Variants in FSTL4 observed in about 807,000 individuals in gnomAD.
The protein encoded by FSTL4 is follistatin-related protein 4.
A neutral mutation model predicts 78.2 loss-of-function variants in FSTL4; 28 were observed. That is an observed-to-expected ratio of 0.36 (90% CI 0.27 to 0.49). The LOEUF is 0.49. FSTL4 is among the 20% of genes least tolerant of loss of function. FSTL4 has a pLI of 0.98. For missense variants in FSTL4, 922 were observed against 1,084.9 expected, an observed-to-expected ratio of 0.85 and a Z score of 2.11; for synonymous variants, 422 against 440.5, an observed-to-expected ratio of 0.96 and a Z score of 0.53.
At chr5:133,300,900 C>T (rs1003514946) in intron 6 of FSTL4, among the ~76,000 whole-genome samples, 3 of 152,040 alleles carry the variant, frequency 2.0e-5, no homozygotes, top group South Asian at 2.1e-4. Context: ...GCTCGGGCCC[C>T]GCTTTCTCTG....
At chr5:133,449,481 C>T (rs2127009298) in intron 3 of FSTL4, among the ~76,000 whole-genome samples, 1 of 152,308 alleles carries the variant, frequency 6.6e-6, no homozygotes, top group Non-Finnish European at 1.5e-5. Flanking sequence ...CTCTGAAAGG[C>T]AGGAGCTGTG....
chr5:133,305,411 TC>T (rs763885909), intron 6 of FSTL4, among the ~76,000 whole-genome samples: 1 of 152,208 alleles, frequency 6.6e-6, no homozygotes, highest in Non-Finnish European at 1.5e-5. Flanking sequence ...AAGCCCCTTG[TC>T]CCTTGGGATC....
chr5:133,662,972 A>G, the FSTL4 span, among the ~76,000 whole-genome samples: 117 of 46,802 alleles, frequency 2.5e-3, 2 homozygotes, highest in African/African-American at 0.024. Flanking sequence ...CCCTGAGTTA[A>G]AAAAAAAGGC....
the FSTL4 span, among the ~76,000 whole-genome samples, chr5:133,622,086 A>AT: frequency 3.7e-3 from 553 of 149,858 alleles, 6 homozygotes; most frequent in African/African-American, 0.013. Flanking sequence ...GGCAACCTCC[A>AT]TTTTTTTTTC....
chr5:133,238,528 T>C (rs1751730182), intron 7 of FSTL4, among the ~76,000 whole-genome samples: 1 of 152,198 alleles, frequency 6.6e-6, no homozygotes, highest in African/African-American at 2.4e-5. Context: ...CACATGCACA[T>C]GTGGGTGAGC....
chr5:133,420,669 T>C (rs35117102), intron 3 of FSTL4, among the ~76,000 whole-genome samples: 37,895 of 152,100 alleles, frequency 0.25, 4,985 homozygotes, highest in Admixed American at 0.3. Context: ...TGGTGTGGTC[T>C]GGAGCTGCTC....
the FSTL4 span, among the ~76,000 whole-genome samples, chr5:133,775,801 G>C: frequency 3.7e-4 from 56 of 152,270 alleles, no homozygotes; most frequent in African/African-American, 1.3e-3. Flanking sequence ...ATTTTGCACA[G>C]TGTGATGAAA....
chr5:133,782,512 G>T, the FSTL4 span, among the ~76,000 whole-genome samples: 2 of 152,222 alleles, frequency 1.3e-5, no homozygotes, highest in Non-Finnish European at 2.9e-5. Flanking sequence ...CTTCACGACT[G>T]GTCGGCCACA....
At chr5:133,391,756 T>C (rs1188242355) in intron 4 of FSTL4, among the ~76,000 whole-genome samples, 1 of 152,182 alleles carries the variant, frequency 6.6e-6, no homozygotes, top group Non-Finnish European at 1.5e-5. Flanking sequence ...TTCCCCCAGA[T>C]ATTCAAATGC....
intron 6 of FSTL4, among the ~76,000 whole-genome samples, chr5:133,274,624 G>A (rs980010346): frequency 1.6e-4 from 25 of 152,184 alleles, no homozygotes; most frequent in African/African-American, 6.0e-4. Flanking sequence ...GCTTTGGTGG[G>A]GTGGTGTGCT....
At chr5:133,725,407 G>C in the FSTL4 span, among the ~76,000 whole-genome samples, 47 of 152,280 alleles carry the variant, frequency 3.1e-4, no homozygotes, top group Admixed American at 2.6e-3. Context: ...TATTCTGTCA[G>C]TAAATAACAG....
the FSTL4 span, among the ~76,000 whole-genome samples, chr5:133,664,475 G>A: frequency 7.9e-5 from 12 of 152,144 alleles, no homozygotes; most frequent in Non-Finnish European, 1.3e-4. Context: ...AGGCTGGCAC[G>A]AGGTGAGTCA....
At chr5:133,231,441 A>C (rs1751492379) in intron 8 of FSTL4, among the ~76,000 whole-genome samples, 1 of 152,178 alleles carries the variant, frequency 6.6e-6, no homozygotes. Flanking sequence ...GCAATGTGGC[A>C]GAGACCCAAC....
rs1054791180 is a variant in FSTL4 at position 133,612,053 on chromosome 5, C to A, written c.-11+272G>T. On this transcript the variant is annotated intron_variant, in intron 1 of 15. Transcript: ENST00000265342. The surrounding 1 kb of genome is among the most constrained non-coding windows in gnomAD (Gnocchi z 6.2). ...TCACTCCGGTCCCCACCGTAGACCC[C>A]GGCCACGAGCCTCGGCGTCCCAGCC... Among the ~76,000 whole-genome samples the A allele has an allele frequency of 1.3e-5, 2 of 152,084 alleles. No individual in the cohort carries two copies. Among genetic ancestry groups the A allele is most frequent in the Non-Finnish European group, 2.9e-5 (2 of 67,978 alleles).
intron 3 of FSTL4, among the ~76,000 whole-genome samples, chr5:133,459,214 A>T (rs967051565): frequency 2.0e-5 from 3 of 152,096 alleles, no homozygotes; most frequent in Admixed American, 1.3e-4. Context: ...ACATATGTTT[A>T]TTCTGAGGCT....
chr5:133,633,297 A>G, the FSTL4 span, among the ~76,000 whole-genome samples: 8 of 151,762 alleles, frequency 5.3e-5, no homozygotes, highest in Admixed American at 2.6e-4. Context: ...GGTTCCTGAG[A>G]CTCTGTTAAT....
chr5:133,296,219 A>G (rs4509076), intron 6 of FSTL4, among the ~76,000 whole-genome samples: 117,482 of 152,056 alleles, frequency 0.77, 45,521 homozygotes, highest in Admixed American at 0.79. Flanking sequence ...ACTCATCAGC[A>G]AATCTCTTTG....
At chr5:133,249,273 G>T (rs1752136567) in intron 7 of FSTL4, 137 bp downstream of exon 7, 1 of 686,754 alleles carries the variant, frequency 1.5e-6, no homozygotes, top group African/African-American at 1.8e-5. Flanking sequence ...CTGCCAAGCT[G>T]ACAACAGGCT....
the FSTL4 span, among the ~76,000 whole-genome samples, chr5:133,621,719 C>T: frequency 6.6e-6 from 1 of 151,974 alleles, no homozygotes; most frequent in Non-Finnish European, 1.5e-5. Context: ...CTTATGTAAC[C>T]ACATACCACC....
Sources: gnomAD v4.1 joint callset for allele counts (sites outside exome capture counted in the v4.1 genomes callset) on GRCh38, gnomAD v4.1.1 for gene constraint, Gnocchi (gnomAD v3.1) non-coding constraint, MANE v1.5 for transcripts, NCBI Gene and HGNC (gene_info 2026-07-23, HGNC 2026-07-21) for gene names.